Variants in RANBP2 observed in about 807,000 individuals in gnomAD.
RANBP2 encodes E3 SUMO-protein ligase RanBP2.
A neutral mutation model predicts 303.6 loss-of-function variants in RANBP2; 57 were observed. The observed-to-expected ratio is 0.19, with a 90% CI of 0.15 to 0.23. The LOEUF (loss-of-function observed/expected upper bound fraction) is 0.23, where lower values mean the gene tolerates loss of function less well. RANBP2 is among the 10% of genes least tolerant of loss of function. RANBP2 has a pLI of 1.00. For missense variants in RANBP2, 3,138 were observed against 3,780.8 expected, an observed-to-expected ratio of 0.83 and a Z score of 4.46; for synonymous variants, 1,167 against 1,301.5, an observed-to-expected ratio of 0.90 and a Z score of 2.23.
At chr2:109,682,414 A>G in the RANBP2 span, among the ~76,000 whole-genome samples, 6 of 152,322 alleles carry the variant, frequency 3.9e-5, no homozygotes, top group African/African-American at 7.2e-5. Context: ...GCCTCTCCAG[A>G]AAGGGCGGAA....
chr2:109,621,440 CT>C, the RANBP2 span, among the ~76,000 whole-genome samples: 14 of 148,478 alleles, frequency 9.4e-5, no homozygotes, highest in Admixed American at 1.3e-4. Flanking sequence ...GTGTGAGCCA[CT>C]TTTTTTTTTA....
the RANBP2 span, among the ~76,000 whole-genome samples, chr2:109,020,252 C>T: frequency 6.6e-6 from 1 of 152,286 alleles, no homozygotes; most frequent in East Asian, 1.9e-4. Flanking sequence ...ACAGCAGAGA[C>T]AGTTTCCAGC....
At chr2:109,694,600 G>C in the RANBP2 span, among the ~76,000 whole-genome samples, 2 of 151,940 alleles carry the variant, frequency 1.3e-5, no homozygotes, top group African/African-American at 4.8e-5. Flanking sequence ...AGGTATAATA[G>C]GCTGTTCTCA....
the RANBP2 span, among the ~76,000 whole-genome samples, chr2:108,816,463 CAAAA>C: frequency 2.6e-5 from 4 of 151,798 alleles, no homozygotes; most frequent in Admixed American, 1.3e-4. Flanking sequence ...AAGAAAAAAA[CAAAA>C]AACAAATTTG....
chr2:108,926,038 G>A, the RANBP2 span, among the ~76,000 whole-genome samples: 12 of 152,160 alleles, frequency 7.9e-5, no homozygotes, highest in Non-Finnish European at 1.6e-4. Flanking sequence ...ACGTATTGCT[G>A]CATGCAACAT....
At chr2:109,173,254 C>T in the RANBP2 span, among the ~76,000 whole-genome samples, 3 of 152,270 alleles carry the variant, frequency 2.0e-5, no homozygotes, top group East Asian at 5.8e-4. Flanking sequence ...TAAGAATTGT[C>T]TGGCTCAGAA....
chr2:108,794,497 T>C, the RANBP2 span: 10 of 1,525,650 alleles, frequency 6.6e-6, no homozygotes, highest in Non-Finnish European at 6.2e-6. Flanking sequence ...TTTGAAACAA[T>C]AAGTTAATAA....
At chr2:109,152,211 C>T in the RANBP2 span, among the ~76,000 whole-genome samples, 1 of 152,210 alleles carries the variant, frequency 6.6e-6, no homozygotes, top group Admixed American at 6.5e-5. Flanking sequence ...ACAAAACTGT[C>T]ACCTGTCAGG....
chr2:109,295,115 C>T, the RANBP2 span, among the ~76,000 whole-genome samples: 2 of 152,228 alleles, frequency 1.3e-5, no homozygotes, highest in African/African-American at 2.4e-5. Context: ...GTATCTCATC[C>T]AGTGGCATGC....
the RANBP2 span, among the ~76,000 whole-genome samples, chr2:108,997,206 C>T: frequency 0.026 from 3,932 of 152,170 alleles, 82 homozygotes; most frequent in Non-Finnish European, 0.033. Flanking sequence ...CTTTGGGAGG[C>T]TGAGGTGGGC....
At chr2:109,485,884 C>T in the RANBP2 span, among the ~76,000 whole-genome samples, 1 of 152,254 alleles carries the variant, frequency 6.6e-6, no homozygotes, top group African/African-American at 2.4e-5. Context: ...GCCTCCAGTC[C>T]CTGGCCCTCC....
At chr2:109,435,279 A>C in the RANBP2 span, among the ~76,000 whole-genome samples, 1 of 152,204 alleles carries the variant, frequency 6.6e-6, no homozygotes, top group African/African-American at 2.4e-5. Flanking sequence ...CTTTATCCCC[A>C]GAAGTGGAAG....
chr2:108,786,755 GCGGCCGCGTAGCGCC>G, downstream of RANBP2: 1 of 1,441,356 alleles, frequency 6.9e-7, no homozygotes, highest in South Asian at 1.2e-5. Context: ...GTGACGCACT[GCGGCCGCGTAGCGCC>G]GCGGGTTTGA....
At chr2:109,126,307 T>G in the RANBP2 span, among the ~76,000 whole-genome samples, 3 of 152,190 alleles carry the variant, frequency 2.0e-5, no homozygotes, top group Non-Finnish European at 4.4e-5. Flanking sequence ...CTTAAGTGGC[T>G]CTCTCTTGCT....
chr2:109,539,213 G>A, the RANBP2 span, among the ~76,000 whole-genome samples: 2 of 152,088 alleles, frequency 1.3e-5, no homozygotes, highest in Admixed American at 6.5e-5. Context: ...CAGAAGAATC[G>A]CTTGAACCCA....
the RANBP2 span, among the ~76,000 whole-genome samples, chr2:108,986,659 G>A: frequency 1.3e-5 from 2 of 152,206 alleles, no homozygotes; most frequent in Non-Finnish European, 2.9e-5. Flanking sequence ...TGGGAAAATA[G>A]AGAAGACATT....
At chr2:109,349,445 C>G in the RANBP2 span, among the ~76,000 whole-genome samples, 167 of 152,296 alleles carry the variant, frequency 1.1e-3, 2 homozygotes, top group African/African-American at 3.8e-3. Flanking sequence ...GCAACAGCTT[C>G]CTGGGGCTAT....
chr2:108,826,854 A>G, the RANBP2 span, among the ~76,000 whole-genome samples: 7 of 152,292 alleles, frequency 4.6e-5, no homozygotes, highest in South Asian at 2.1e-4. Flanking sequence ...TCTTAACAAC[A>G]TTGTCTGCTA....
chr2:109,667,271 C>T, the RANBP2 span: 1,474 of 753,410 alleles, frequency 2.0e-3, 3 homozygotes, highest in Non-Finnish European at 2.7e-3. Flanking sequence ...GACCAACCAT[C>T]ATAAGCAAGC....
Sources: allele counts gnomAD v4.1 joint callset (sites outside exome capture counted in the v4.1 genomes callset), GRCh38; gene constraint gnomAD v4.1.1; transcripts MANE v1.5; gene names NCBI Gene and HGNC (gene_info 2026-07-23, HGNC 2026-07-21).